Variants in ZC4H2 observed in about 807,000 individuals in gnomAD.
ZC4H2 encodes zinc finger C4H2-type containing, also known as zinc finger C4H2 domain-containing protein.
For missense variants in ZC4H2, 137 were observed against 173.9 expected, an observed-to-expected ratio of 0.79 and a Z score of 1.19; for synonymous variants, 84 against 66.3, an observed-to-expected ratio of 1.27 and a Z score of -1.30.
intron 1 of ZC4H2, among the ~76,000 whole-genome samples, chrX:64,965,838 T>C (rs1167438759): frequency 4.7e-5 from 5 of 106,699 alleles, no homozygotes; most frequent in Non-Finnish European, 9.6e-5. Context: ...TTGGGGAAGC[T>C]GAAGTGGGAT....
intron 1 of ZC4H2, among the ~76,000 whole-genome samples, chrX:65,030,223 T>C (rs1398201643): frequency 1.8e-5 from 2 of 111,465 alleles, no homozygotes; most frequent in African/African-American, 6.6e-5. Flanking sequence ...GCTTAAGTCA[T>C]CCTCCCACCT....
At chrX:64,983,224 C>G (rs182458469) in intron 1 of ZC4H2, among the ~76,000 whole-genome samples, 1 of 111,405 alleles carries the variant, frequency 9.0e-6, no homozygotes, top group Non-Finnish European at 1.9e-5. Context: ...TTGGTCTTCT[C>G]GTATGGAAAA....
chrX:64,939,748 G>A (rs1930179802), intron 1 of ZC4H2, among the ~76,000 whole-genome samples: 1 of 111,705 alleles, frequency 9.0e-6, no homozygotes, highest in Non-Finnish European at 1.9e-5. Flanking sequence ...ACTGAAACTC[G>A]ACCCCTTACT....
intron 1 of ZC4H2, among the ~76,000 whole-genome samples, chrX:64,969,998 A>T (rs974842762): frequency 3.6e-5 from 4 of 111,455 alleles, no homozygotes; most frequent in Non-Finnish European, 7.5e-5. Flanking sequence ...AGAGCTATTG[A>T]CTTTGATTAG....
At chrX:64,925,757 C>T (rs1929399351) in intron 1 of ZC4H2, among the ~76,000 whole-genome samples, 1 of 112,290 alleles carries the variant, frequency 8.9e-6, no homozygotes, top group South Asian at 3.7e-4. Flanking sequence ...TAAGTGCTGA[C>T]TTGACATGGA....
At chrX:64,969,784 G>A (rs1399077653) in intron 1 of ZC4H2, among the ~76,000 whole-genome samples, 2 of 111,896 alleles carry the variant, frequency 1.8e-5, no homozygotes, top group Non-Finnish European at 3.8e-5. Flanking sequence ...TGTGGATGGA[G>A]AGGGTCACAT....
intron 1 of ZC4H2, among the ~76,000 whole-genome samples, chrX:64,989,270 C>T (rs996457419): frequency 8.9e-5 from 10 of 111,847 alleles, no homozygotes; most frequent in Non-Finnish European, 1.9e-4. Context: ...TCATTGGTAG[C>T]TTGATGGGGA....
chrX:64,968,217 C>T (rs1217879904), intron 1 of ZC4H2, among the ~76,000 whole-genome samples: 3 of 111,991 alleles, frequency 2.7e-5, no homozygotes, highest in African/African-American at 9.8e-5. Flanking sequence ...AGAACCATAT[C>T]GGCAGGTATG....
At chrX:64,937,010 T>C (rs1930043655) in intron 1 of ZC4H2, among the ~76,000 whole-genome samples, 4 of 110,487 alleles carry the variant, frequency 3.6e-5, no homozygotes, top group Middle Eastern at 4.6e-3. Flanking sequence ...CAGTGTGCTG[T>C]ATTCAGGGGA....
chrX:64,954,324 A>ATATATATATATATAAT (rs1444519030), intron 1 of ZC4H2, among the ~76,000 whole-genome samples: 2 of 75,393 alleles, frequency 2.7e-5, no homozygotes, highest in Non-Finnish European at 4.4e-5. Flanking sequence ...ATAATTATAT[A>ATATATATATATATAAT]TATATATATA....
At chrX:64,971,777 AAAG>A (rs771669000) in intron 1 of ZC4H2, among the ~76,000 whole-genome samples, 3 of 111,763 alleles carry the variant, frequency 2.7e-5, no homozygotes, top group Non-Finnish European at 5.6e-5. Context: ...GAAAAAAAGA[AAAG>A]AAGGACCCAG....
At chrX:64,928,850 CCTCCTT>C (rs928528316) in intron 1 of ZC4H2, among the ~76,000 whole-genome samples, 1 of 101,250 alleles carries the variant, frequency 9.9e-6, no homozygotes, top group African/African-American at 3.7e-5. Flanking sequence ...TTCTCCTCCT[CCTCCTT>C]CTCCTTCTTC....
chrX:64,969,161 C>G (rs1931691395), intron 1 of ZC4H2, among the ~76,000 whole-genome samples: 1 of 112,265 alleles, frequency 8.9e-6, no homozygotes, highest in Non-Finnish European at 1.9e-5. Flanking sequence ...GGGGTACATT[C>G]AAATCATAGC....
chrX:64,958,370 C>T (rs1195374466), intron 1 of ZC4H2, among the ~76,000 whole-genome samples: 2 of 110,789 alleles, frequency 1.8e-5, no homozygotes, highest in Admixed American at 1.9e-4. Flanking sequence ...TTATATGGCA[C>T]ATGCCTGTAT....
At chrX:64,927,611 T>C (rs1322409616) in intron 1 of ZC4H2, among the ~76,000 whole-genome samples, 1 of 112,319 alleles carries the variant, frequency 8.9e-6, no homozygotes, top group Non-Finnish European at 1.9e-5. Flanking sequence ...TGTGTCTTTA[T>C]AGTACAATGA....
upstream of ZC4H2, among the ~76,000 whole-genome samples, chrX:64,978,549 A>G (rs932623588): frequency 1.8e-5 from 2 of 111,759 alleles, no homozygotes; most frequent in African/African-American, 6.5e-5. Flanking sequence ...TCTGATATGT[A>G]CAATCTATCA....
intron 1 of ZC4H2, among the ~76,000 whole-genome samples, chrX:64,934,524 C>T (rs768993543): frequency 8.9e-6 from 1 of 111,973 alleles, no homozygotes; most frequent in South Asian, 3.7e-4. Flanking sequence ...TTCCTGATAT[C>T]AGAAAATTTG....
chrX:64,999,068 T>TTTTTTTTTTTTTTCC (rs1555948665), intron 1 of ZC4H2, among the ~76,000 whole-genome samples: 1 of 75,759 alleles, frequency 1.3e-5, no homozygotes, highest in East Asian at 4.7e-4. Context: ...TTTTTTTTTT[T>TTTTTTTTTTTTTTCC]AATCTATTCT....
chrX:64,997,536 T>C (rs376103466), intron 1 of ZC4H2, among the ~76,000 whole-genome samples: 48 of 112,748 alleles, frequency 4.3e-4, no homozygotes, highest in East Asian at 3.6e-3. Context: ...GAATTATAAA[T>C]CTCTTATTGG....
Sources: gnomAD v4.1 joint callset for allele counts (sites outside exome capture counted in the v4.1 genomes callset) on GRCh38, gnomAD v4.1.1 for gene constraint, MANE v1.5 for transcripts, NCBI Gene and HGNC (gene_info 2026-07-23, HGNC 2026-07-21) for gene names.